The following ST3GAL6 variants were observed in gnomAD, a reference collection of about 807,000 sequenced individuals.
ST3GAL6 encodes the protein type 2 lactosamine alpha-2,3-sialyltransferase.
In ST3GAL6, 31 loss-of-function variants were observed where a neutral mutation model predicts 40.5. The observed-to-expected ratio is 0.77, with a 90% CI of 0.58 to 1.03. The LOEUF is 1.03. Ranked by LOEUF, ST3GAL6 falls within the 50% of genes least tolerant of loss-of-function variation. The pLI is 0.00. For synonymous variants in ST3GAL6, 129 were observed against 136.9 expected (o/e 0.94, Z 0.40); for missense variants, 357 against 393.2 (o/e 0.91, Z 0.78).
At chr3:98,777,241 T>C (rs1031056933) in intron 5 of ST3GAL6, among the ~76,000 whole-genome samples, 2 of 152,192 alleles carry the variant, frequency 1.3e-5, no homozygotes, top group Admixed American at 6.5e-5. Flanking sequence ...TTACCTCCAA[T>C]GATGTGCTGG....
chr3:98,787,901 G>A (rs564114374), intron 6 of ST3GAL6, 135 bp from the exon 7 acceptor site: 2 of 646,494 alleles, frequency 3.1e-6, no homozygotes, highest in Admixed American at 3.5e-5. Context: ...GTGAAAGATT[G>A]ATCTATTGCT....
At chr3:98,773,774 C>T (rs1939244475) in intron 4 of ST3GAL6, 146 bp from the exon 5 acceptor site, 12 of 552,728 alleles carry the variant, frequency 2.2e-5, no homozygotes, top group Non-Finnish European at 3.2e-6. Flanking sequence ...TGGCTAATTG[C>T]AGTTGTATCA....
At chr3:98,745,083 G>C (rs1936438369) in intron 1 of ST3GAL6, among the ~76,000 whole-genome samples, 1 of 151,922 alleles carries the variant, frequency 6.6e-6, no homozygotes, top group Admixed American at 6.6e-5. Flanking sequence ...ACCCAGGCTG[G>C]GGTGTAGTGG....
At position 98,756,285 on chromosome 3, in the gene ST3GAL6, C is replaced by T. The variant is rs1036213886; in HGVS notation, c.-11-12145C>T. On this transcript the variant is annotated intron_variant, in intron 1 of 9. Transcript: ENST00000265261. ...GTGAGTTTACTAAAATGGCGTTTTC[C>T]TTAAAGTTTTAAAAATGACTTTACA... 4.2e-6 allele frequency: 5 copies of T among 1,191,014 alleles called. No individual in the cohort carries two copies. The African/African-American group carries it at 7.9e-5, about 19-fold the overall frequency. 73.8% of individuals were successfully genotyped at this position (1,191,014 alleles called of 1,614,324 possible). A position where few individuals can be genotyped will look rare whatever the true frequency, so the allele number is the denominator to read the frequency against.
chr3:98,792,766 G>A (rs565706665), intron 9 of ST3GAL6, among the ~76,000 whole-genome samples: 104 of 150,902 alleles, frequency 6.9e-4, no homozygotes, highest in Admixed American at 4.4e-3. Flanking sequence ...TGATCTGCCC[G>A]CCTTAGCCTC....
At chr3:98,756,899 A>G (rs60302559) in intron 1 of ST3GAL6, among the ~76,000 whole-genome samples, 129 of 152,306 alleles carry the variant, frequency 8.5e-4, no homozygotes, top group African/African-American at 3.1e-3. Flanking sequence ...TAGAAATTCT[A>G]CTGTTAACCA....
upstream of ST3GAL6, among the ~76,000 whole-genome samples, chr3:98,762,179 T>G (rs1937861087): frequency 2.6e-5 from 4 of 152,218 alleles, no homozygotes; most frequent in South Asian, 8.3e-4. Flanking sequence ...TATCATTGTA[T>G]TAGCAGAAGA....
At chr3:98,748,130 A>G (rs886455316) in intron 1 of ST3GAL6, among the ~76,000 whole-genome samples, 2 of 152,232 alleles carry the variant, frequency 1.3e-5, no homozygotes, top group Admixed American at 1.3e-4. Context: ...CTAATATTTC[A>G]TGATGTCATT....
chr3:98,787,168 A>T (rs1940808630), intron 6 of ST3GAL6, among the ~76,000 whole-genome samples: 1 of 152,112 alleles, frequency 6.6e-6, no homozygotes, highest in Non-Finnish European at 1.5e-5. Context: ...TTTACCTACA[A>T]AACAATTTTG....
intron 9 of ST3GAL6, among the ~76,000 whole-genome samples, chr3:98,793,089 A>C (rs1182640150): frequency 6.6e-6 from 1 of 152,102 alleles, no homozygotes; most frequent in Non-Finnish European, 1.5e-5. Context: ...ACCAGGTAAG[A>C]CAAGCACTTA....
At chr3:98,755,809 C>CT (rs1553711982) in intron 1 of ST3GAL6, among the ~76,000 whole-genome samples, 1 of 150,502 alleles carries the variant, frequency 6.6e-6, no homozygotes, top group Admixed American at 6.6e-5. Context: ...AGATTTTTTT[C>CT]ATTTTTTTTT....
chr3:98,788,598 AAAG>A (rs1410265220), intron 8 of ST3GAL6, 135 bp downstream of exon 8: 1 of 716,586 alleles, frequency 1.4e-6, no homozygotes, highest in Non-Finnish European at 2.2e-6. Flanking sequence ...TGAGTTAGTA[AAAG>A]TAGTTATCTA....
intron 1 of ST3GAL6, chr3:98,733,423 C>T: frequency 9.9e-7 from 1 of 1,005,916 alleles, no homozygotes; most frequent in Non-Finnish European, 1.2e-6. Context: ...TCCAGCTCCT[C>T]GTTCACTATT....
intron 1 of ST3GAL6, among the ~76,000 whole-genome samples, chr3:98,765,413 A>G (rs1234885506): frequency 5.3e-5 from 8 of 152,218 alleles, no homozygotes; most frequent in Admixed American, 5.2e-4. Context: ...TTCATCAAGA[A>G]GACAACACCT....
At chr3:98,762,675 T>C (rs1212861112), upstream of ST3GAL6, 2 of 570,678 alleles carry the variant, frequency 3.5e-6, no homozygotes, top group Non-Finnish European at 4.4e-6. Context: ...CCTTGTTTTA[T>C]TTTTAAAAGA....
At chr3:98,763,030 A>G (rs948188556), upstream of ST3GAL6, 121 of 985,328 alleles carry the variant, frequency 1.2e-4, no homozygotes, top group Non-Finnish European at 1.4e-4. Context: ...CAAACCTAAA[A>G]GAGAGGTAGT....
upstream of ST3GAL6, chr3:98,763,178 A>C: frequency 8.4e-7 from 1 of 1,197,100 alleles, no homozygotes; most frequent in South Asian, 1.5e-5. Context: ...AAAAAAATCT[A>C]GACATTAATG....
chr3:98,785,059 T>C lies in ST3GAL6; in HGVS notation c.431+19T>C. 1 of 1,514,024 alleles carries C rather than the reference T, an allele frequency of 6.6e-7. No homozygotes were observed. Among genetic ancestry groups the C allele is most frequent in the Non-Finnish European group, 9.2e-7 (1 of 1,090,200 alleles). 93.8% of individuals were successfully genotyped at this position (1,514,024 alleles called of 1,614,324 possible). On this transcript the variant is annotated intron_variant, in intron 6 of 9. Coordinates refer to ENST00000483910, the MANE Select transcript of ST3GAL6 (RefSeq NM_001323368.2). The stretch of plus-strand genomic sequence containing the variant: ...TAATAAGGTAAATATATTTTCTATT[T>C]GCTACCCTAGAATTGTTTCAAAAGA...
upstream of ST3GAL6, among the ~76,000 whole-genome samples, chr3:98,761,000 A>T (rs2107392869): frequency 6.6e-6 from 1 of 152,336 alleles, no homozygotes; most frequent in East Asian, 1.9e-4. Flanking sequence ...AATTTATATG[A>T]AATTTTAGAA....
Sources: allele counts gnomAD v4.1 joint callset (sites outside exome capture counted in the v4.1 genomes callset), GRCh38; gene constraint gnomAD v4.1.1; transcripts MANE v1.5; gene names NCBI Gene and HGNC (gene_info 2026-07-23, HGNC 2026-07-21).